PRRC2C: variants seen among roughly 807,000 people sequenced by gnomAD.
PRRC2C encodes proline rich coiled-coil 2C, also known as protein PRRC2C.
Under a neutral mutation model 317.2 loss-of-function variants are expected in PRRC2C, and 72 were observed. That is an observed-to-expected ratio of 0.23 (90% CI 0.19 to 0.28). PRRC2C has a LOEUF of 0.28. Ranked by LOEUF, PRRC2C falls within the 10% of genes least tolerant of loss-of-function variation. The pLI, the probability that PRRC2C is intolerant of heterozygous loss-of-function variation, is 1.00. For missense variants in PRRC2C, 3,074 were observed against 3,459.7 expected, an observed-to-expected ratio of 0.89 and a Z score of 2.80; for synonymous variants, 1,296 against 1,205.9, an observed-to-expected ratio of 1.07 and a Z score of -1.55.
At chr1:171,549,603 C>A (rs1238962486) in intron 17 of PRRC2C, among the ~76,000 whole-genome samples, 2 of 152,084 alleles carry the variant, frequency 1.3e-5, no homozygotes, top group Non-Finnish European at 2.9e-5. Context: ...ACTCTGTCAC[C>A]CAGGCTGGAA....
chr1:171,508,510 GA>G (rs1429963580), intron 1 of PRRC2C, among the ~76,000 whole-genome samples: 2 of 152,152 alleles, frequency 1.3e-5, no homozygotes, highest in African/African-American at 4.8e-5. Context: ...ATGTGTTATT[GA>G]GAAGGATTGG....
intron 10 of PRRC2C, among the ~76,000 whole-genome samples, chr1:171,525,328 G>A (rs1013999328): frequency 3.3e-5 from 5 of 152,102 alleles, no homozygotes; most frequent in Non-Finnish European, 7.4e-5. Flanking sequence ...TGTGTGAATG[G>A]TACACTATCT....
intron 11 of PRRC2C, among the ~76,000 whole-genome samples, chr1:171,531,600 T>A (rs1444065002): frequency 6.6e-6 from 1 of 152,238 alleles, no homozygotes; most frequent in Non-Finnish European, 1.5e-5. Flanking sequence ...AATCAATATG[T>A]TAAAAACATT....
rs748105917 is a variant in PRRC2C, at chr1:171,532,506, G to A, written c.1418G>A (p.Arg473Gln). 7 of 1,608,400 alleles carry A rather than the reference G, an allele frequency of 4.4e-6. No homozygotes were observed. Among genetic ancestry groups the A allele is most frequent in the African/African-American group, 1.3e-5 (1 of 74,834 alleles). Residue 473 changes from arginine to glutamine, a missense_variant, in exon 12 of 35, where the codon CGA (arginine) becomes CAA (glutamine). Transcript: ENST00000647382. ...RARKRREEEE[R>Q]RMEEQRKAAC... is the part of the protein sequence containing the mutation. ...CGTAAACGGCGTGAAGAGGAAGAGC[G>A]AAGAATGGAAGAACAAAGGAAGGCA...
At position 171,515,796 on chromosome 1, in the gene PRRC2C, G is replaced by GA; in HGVS notation, c.471dup (p.Glu158ArgfsTer6). 8 of 1,610,566 alleles carry GA rather than the reference G, an allele frequency of 5.0e-6. No homozygotes were observed. The highest frequency in any genetic ancestry group is 3.4e-5 in the Admixed American group (2 of 59,640). ...CAGCCTGCAGGCAGCTGGGGATCAG[G>GA]AAAAAAAAGAAAAGGAAACAAATGA... On this transcript the variant is annotated frameshift_variant, in exon 5 of 35. Coordinates refer to ENST00000647382, the MANE Select transcript of PRRC2C (RefSeq NM_001387844.1). LOFTEE classifies it high-confidence loss of function.
At chr1:171,579,679 A>G (rs1572121107) in intron 27 of PRRC2C, 149 bp from the exon 28 acceptor site, 3 of 1,284,672 alleles carry the variant, frequency 2.3e-6, no homozygotes, top group Non-Finnish European at 3.1e-6. Context: ...GGAAATTTAG[A>G]TGTTTACATT....
chr1:171,553,992 G>T (rs1176920472), intron 18 of PRRC2C, among the ~76,000 whole-genome samples: 1 of 152,162 alleles, frequency 6.6e-6, no homozygotes, highest in African/African-American at 2.4e-5. Context: ...TCTGCTTGTT[G>T]CAGAGCTGAG....
intron 11 of PRRC2C, among the ~76,000 whole-genome samples, chr1:171,531,876 C>T (rs934330658): frequency 6.6e-6 from 1 of 152,202 alleles, no homozygotes; most frequent in African/African-American, 2.4e-5. Flanking sequence ...CACTTTGCTT[C>T]TTTGGCTCTG....
intron 16 of PRRC2C, among the ~76,000 whole-genome samples, chr1:171,543,739 T>C (rs570698409): frequency 2.6e-5 from 4 of 152,238 alleles, no homozygotes; most frequent in East Asian, 1.9e-4. Flanking sequence ...TCTGTTGATA[T>C]AACTAAATAC....
At chr1:171,575,156 A>T in intron 25 of PRRC2C, 28 bp downstream of exon 25, 1 of 1,562,874 alleles carries the variant, frequency 6.4e-7, no homozygotes, top group East Asian at 2.3e-5. Flanking sequence ...TGTTTCTTTA[A>T]ATATCTTACA....
At chr1:171,577,770 CATT>C in intron 26 of PRRC2C, 133 bp downstream of exon 26, 1 of 329,824 alleles carries the variant, frequency 3.0e-6, no homozygotes, top group East Asian at 6.1e-5. Context: ...TTTAAATTCG[CATT>C]TTTTTTTTTT....
intron 6 of PRRC2C, among the ~76,000 whole-genome samples, chr1:171,518,351 GGAGGTCCA>G (rs531747514): frequency 4.4e-4 from 67 of 152,088 alleles, no homozygotes; most frequent in Non-Finnish European, 6.5e-4. Context: ...TTTCCTGAGA[GGAGGTCCA>G]TAGGTCCATA....
chr1:171,532,323 C>G lies in PRRC2C; in HGVS notation c.1255-20C>G. The G allele has an allele frequency of 6.3e-7, 1 of 1,594,668 alleles. No homozygotes were observed. The highest frequency in any genetic ancestry group is 8.5e-7 in the Non-Finnish European group (1 of 1,171,542). Reference sequence around the variant, plus strand: ...CAGAAATAGAGTTGTCATAACTCATCTGATACCTTAATGTTTCAGCATCCA... The same window carrying G: ...CAGAAATAGAGTTGTCATAACTCATGTGATACCTTAATGTTTCAGCATCCA... On this transcript the variant is annotated intron_variant, in intron 11 of 34. Coordinates refer to ENST00000647382, the MANE Select transcript of PRRC2C (RefSeq NM_001387844.1).
chr1:171,549,917 C>A (rs1032872229), intron 17 of PRRC2C, among the ~76,000 whole-genome samples, 169 bp from the exon 18 acceptor site: 3 of 150,964 alleles, frequency 2.0e-5, no homozygotes, highest in African/African-American at 7.3e-5. Context: ...CAGATCTTTA[C>A]AATGAATGGC....
intron 1 of PRRC2C, among the ~76,000 whole-genome samples, chr1:171,505,317 C>T (rs1231691126): frequency 2.0e-5 from 3 of 152,130 alleles, no homozygotes; most frequent in Admixed American, 6.6e-5. Flanking sequence ...CATGAGCCAC[C>T]GTGTCCGGCT....
intron 1 of PRRC2C, among the ~76,000 whole-genome samples, chr1:171,496,199 CTTTTTTTTTT>C (rs528654548): frequency 6.6e-5 from 5 of 75,658 alleles, no homozygotes; most frequent in Middle Eastern, 9.6e-3. Context: ...ATTTTTGTGC[CTTTTTTTTTT>C]TTTTTTTTTT....
At chr1:171,580,077 A>C in intron 28 of PRRC2C, 113 bp downstream of exon 28, 2 of 938,036 alleles carry the variant, frequency 2.1e-6, no homozygotes, top group Non-Finnish European at 2.9e-6. Context: ...TGACTCTGCT[A>C]TAAACTACAT....
chr1:171,514,933 C>T (rs1672058769), intron 4 of PRRC2C, among the ~76,000 whole-genome samples: 1 of 152,238 alleles, frequency 6.6e-6, no homozygotes, highest in South Asian at 2.1e-4. Flanking sequence ...CTTGTACCTT[C>T]AAAGTATCCA....
intron 17 of PRRC2C, among the ~76,000 whole-genome samples, chr1:171,546,592 CATTT>C (rs758119090): frequency 3.9e-5 from 6 of 151,946 alleles, no homozygotes; most frequent in Non-Finnish European, 7.4e-5. Flanking sequence ...GCAAATTCTT[CATTT>C]GTTTGTTTGT....
Sources: allele counts gnomAD v4.1 joint callset (sites outside exome capture counted in the v4.1 genomes callset), GRCh38; gene constraint gnomAD v4.1.1; transcripts MANE v1.5; gene names NCBI Gene and HGNC (gene_info 2026-07-23, HGNC 2026-07-21).